MSH4: variants seen among roughly 807,000 people sequenced by gnomAD.
The protein encoded by MSH4 is mutS homolog 4.
MSH4 carries 106 observed loss-of-function variants against 113.7 expected under a neutral mutation model. That is an observed-to-expected ratio of 0.93 (90% CI 0.80 to 1.10). The LOEUF (loss-of-function observed/expected upper bound fraction) is 1.10, where lower values mean the gene tolerates loss of function less well. MSH4 is among the 50% of genes least tolerant of loss of function. The pLI is 0.00. For missense variants in MSH4, 1,061 were observed against 1,093.7 expected (o/e 0.97, Z 0.42); for synonymous variants, 368 against 380.2 (o/e 0.97, Z 0.37).
intron 19 of MSH4, among the ~76,000 whole-genome samples, chr1:75,911,325 C>G (rs1450852999): frequency 1.3e-5 from 2 of 152,100 alleles, no homozygotes; most frequent in Non-Finnish European, 2.9e-5. Context: ...CTTGCCATTT[C>G]ATCATATTGA....
At chr1:75,896,346 AACACACACACACACACAC>A (rs4035039) in intron 17 of MSH4, among the ~76,000 whole-genome samples, 34,588 of 137,180 alleles carry the variant, frequency 0.25, 4,382 homozygotes, top group Middle Eastern at 0.36. Flanking sequence ...ACACACATAC[AACACACACACACACACAC>A]ACACACACAC....
intron 8 of MSH4, among the ~76,000 whole-genome samples, chr1:75,854,011 G>GTA (rs72458089): frequency 0.029 from 3,234 of 112,076 alleles, 196 homozygotes; most frequent in African/African-American, 0.078. Flanking sequence ...AAGTGTGTGT[G>GTA]TGTATATATA....
intron 6 of MSH4, among the ~76,000 whole-genome samples, chr1:75,816,837 G>C (rs1340640653): frequency 2.0e-5 from 3 of 152,102 alleles, no homozygotes; most frequent in Admixed American, 2.0e-4. Context: ...ATATTGGCCA[G>C]GCTGGTCTCA....
intron 9 of MSH4, among the ~76,000 whole-genome samples, chr1:75,875,261 A>G (rs901134164): frequency 6.6e-6 from 1 of 152,206 alleles, no homozygotes; most frequent in Non-Finnish European, 1.5e-5. Context: ...TGAAATAGAC[A>G]AAATGGTTCT....
chr1:75,798,262 T>C (rs1279146225), intron 1 of MSH4, among the ~76,000 whole-genome samples: 1 of 152,212 alleles, frequency 6.6e-6, no homozygotes, highest in Non-Finnish European at 1.5e-5. Context: ...GCCTGGCCTA[T>C]GTTTAATGTT....
intron 15 of MSH4, among the ~76,000 whole-genome samples, chr1:75,888,898 T>C (rs910036428): frequency 1.3e-5 from 2 of 150,634 alleles, no homozygotes; most frequent in Non-Finnish European, 3.0e-5. Context: ...GGCAACTTTT[T>C]TTTTTTTTTT....
intron 14 of MSH4, among the ~76,000 whole-genome samples, chr1:75,882,334 C>A (rs1179311777): frequency 2.0e-5 from 3 of 151,770 alleles, no homozygotes; most frequent in Non-Finnish European, 4.4e-5. Context: ...TTTTTTCTAA[C>A]CTCACTTTTA....
chr1:75,820,628 TG>T (rs765068819), intron 6 of MSH4, among the ~76,000 whole-genome samples: 36 of 152,230 alleles, frequency 2.4e-4, no homozygotes, highest in Non-Finnish European at 4.9e-4. Flanking sequence ...TAGTATTCTC[TG>T]ATGGTAGTTT....
chr1:75,801,996 C>G (rs1273590866), intron 1 of MSH4, among the ~76,000 whole-genome samples: 1 of 151,854 alleles, frequency 6.6e-6, no homozygotes, highest in Non-Finnish European at 1.5e-5. Context: ...TGGCAAAACC[C>G]CATCTCTACA....
At chr1:75,820,070 G>A (rs1473884353) in intron 6 of MSH4, among the ~76,000 whole-genome samples, 1 of 140,940 alleles carries the variant, frequency 7.1e-6, no homozygotes, top group African/African-American at 2.5e-5. Flanking sequence ...TTATGAAATT[G>A]TCTTGTACTT....
Position 75,911,880 on chromosome 1 carries a change from T to C in MSH4, c.2620-816T>C, listed in dbSNP as rs1185160647. The stretch of plus-strand genomic sequence containing the variant: ...GGGATTATATTTCAGGGAAACTCAC[T>C]AAGACTTTCCATAAAAAGTTAAGAT... On this transcript the variant is annotated intron_variant, in intron 19 of 19. Transcript: ENST00000263187. 3.9e-5 allele frequency among the ~76,000 whole-genome samples: 6 copies of C among 152,042 alleles called. No homozygotes were observed. In the East Asian group the frequency reaches 7.7e-4, roughly 20 times the overall value.
At chr1:75,900,838 T>C (rs1652491702) in intron 19 of MSH4, among the ~76,000 whole-genome samples, 1 of 152,172 alleles carries the variant, frequency 6.6e-6, no homozygotes, top group South Asian at 2.1e-4. Flanking sequence ...AAGAAGCTCT[T>C]ATTACCTAAC....
intron 8 of MSH4, among the ~76,000 whole-genome samples, chr1:75,860,672 C>T (rs925044478): frequency 1.3e-5 from 2 of 152,092 alleles, no homozygotes; most frequent in Admixed American, 6.6e-5. Context: ...GGTAACCTGA[C>T]CTTTCTCTGG....
chr1:75,803,651 C>T lies in MSH4; in HGVS notation c.245-80C>T, dbSNP rs556483344. On this transcript the variant is annotated intron_variant, in intron 1 of 19. Transcript: ENST00000263187. ...AAAAAAGAAAAAAAAGGAAAGTGAA[C>T]ATGGTATAAATTATAATGACTAATA... 6.5e-5 allele frequency: 66 copies of T among 1,022,768 alleles called. No individual in the cohort carries two copies. In the South Asian group the frequency reaches 1.2e-3, roughly 19 times the overall value. 63.4% of individuals were successfully genotyped at this position (1,022,768 alleles called of 1,614,324 possible). A position where few individuals can be genotyped will look rare whatever the true frequency, so the allele number is the denominator to read the frequency against.
In MSH4 at chr1:75,848,232, G is replaced by T; in HGVS notation, c.1186G>T (p.Glu396Ter). The change falls in exon 8 of 20, where the codon GAG becomes TAG. Residue 396 changes from glutamate to a stop codon, truncating the protein, a stop_gained. Coordinates refer to ENST00000263187, the MANE Select transcript of MSH4 (RefSeq NM_002440.4). LOFTEE classifies it high-confidence loss of function. ...AGTTATATCAAGATTTCTTGATACA[G>T]AGCAGCTTCTTTCTGTTTTAGTCCA... Reference protein sequence around the residue: ...QSVISRFLDTEQLLSVLVQIP... With the variant: ...QSVISRFLDT The T allele has an allele frequency of 6.2e-7, 1 of 1,609,128 alleles. No homozygotes were observed. Among genetic ancestry groups the T allele is most frequent in the South Asian group, 1.1e-5 (1 of 90,550 alleles).
At chr1:75,847,699 A>G (rs1651104097) in intron 7 of MSH4, among the ~76,000 whole-genome samples, 1 of 152,198 alleles carries the variant, frequency 6.6e-6, no homozygotes, top group African/African-American at 2.4e-5. Context: ...GGAAATAGAC[A>G]TATGCTAAGA....
intron 19 of MSH4, among the ~76,000 whole-genome samples, chr1:75,904,752 T>C (rs1051386811): frequency 2.0e-5 from 3 of 151,824 alleles, no homozygotes; most frequent in Non-Finnish European, 2.9e-5. Context: ...GGAGATTTTT[T>C]ATTATTACTT....
intron 8 of MSH4, among the ~76,000 whole-genome samples, chr1:75,849,661 A>G (rs879557490): frequency 6.6e-6 from 1 of 152,206 alleles, no homozygotes; most frequent in Non-Finnish European, 1.5e-5. Flanking sequence ...GAAGTAACCT[A>G]AAACAACTGA....
intron 7 of MSH4, among the ~76,000 whole-genome samples, chr1:75,843,557 T>C (rs930879044): frequency 6.6e-6 from 1 of 152,146 alleles, no homozygotes; most frequent in Non-Finnish European, 1.5e-5. Flanking sequence ...AATCACAATA[T>C]GCAGGGTCAA....
Sources: gnomAD v4.1 joint callset for allele counts (sites outside exome capture counted in the v4.1 genomes callset) on GRCh38, gnomAD v4.1.1 for gene constraint, MANE v1.5 for transcripts, NCBI Gene and HGNC (gene_info 2026-07-23, HGNC 2026-07-21) for gene names.